Variants in RRN3 observed in about 807,000 individuals in gnomAD.
RRN3 encodes RNA polymerase I transcription factor RRN3, also known as RNA polymerase I-specific transcription initiation factor RRN3.
A neutral mutation model predicts 82.3 loss-of-function variants in RRN3; 38 were observed. That is an observed-to-expected ratio of 0.46 (90% confidence interval 0.36 to 0.61). The LOEUF (loss-of-function observed/expected upper bound fraction) is 0.61, where lower values mean the gene tolerates loss of function less well. Ranked by LOEUF, RRN3 falls within the 20% of genes least tolerant of loss-of-function variation. The pLI is 0.00. For missense variants in RRN3, 726 were observed against 793.1 expected (o/e 0.92, Z 1.02); for synonymous variants, 284 against 284.3 (o/e 1.00, Z 0.01).
intron 14 of RRN3, among the ~76,000 whole-genome samples, chr16:15,069,391 TCATAAA>T (rs1364831500): frequency 5.3e-5 from 8 of 152,226 alleles, no homozygotes; most frequent in Admixed American, 3.9e-4. Context: ...TAAGAATTAT[TCATAAA>T]CATAAACAGA....
intron 14 of RRN3, among the ~76,000 whole-genome samples, chr16:15,068,837 G>C (rs1453265391): frequency 6.6e-6 from 1 of 152,126 alleles, no homozygotes; most frequent in Admixed American, 6.6e-5. Context: ...TTCTACATGA[G>C]TAAAATAAAG....
chr16:15,074,561 G>T, intron 11 of RRN3, 162 bp downstream of exon 11: 1 of 454,572 alleles, frequency 2.2e-6, no homozygotes, highest in Non-Finnish European at 3.8e-6. Flanking sequence ...TTCAAGCTAT[G>T]TGACTGGCAA....
chr16:15,078,818 T>C (rs1383936703), intron 9 of RRN3, among the ~76,000 whole-genome samples: 4 of 149,844 alleles, frequency 2.7e-5, no homozygotes, highest in Non-Finnish European at 3.0e-5. Flanking sequence ...TTTTCTTTTT[T>C]TTTTTTTTTT....
chr16:15,071,596 T>G (rs1455966561), intron 12 of RRN3, among the ~76,000 whole-genome samples: 7 of 151,872 alleles, frequency 4.6e-5, no homozygotes, highest in Admixed American at 3.3e-4. Flanking sequence ...GGAGAAACCC[T>G]GTCTCTACTA....
At chr16:15,068,906 G>A (rs1443756845) in intron 14 of RRN3, among the ~76,000 whole-genome samples, 2 of 152,146 alleles carry the variant, frequency 1.3e-5, no homozygotes, top group Non-Finnish European at 2.9e-5. Context: ...TATTTTCTTA[G>A]GAGTTTCTTT....
chr16:15,092,623 C>G lies in RRN3; in HGVS notation c.90-9G>C. 3 of 1,490,516 alleles carry G rather than the reference C, an allele frequency of 2.0e-6. No homozygotes were observed. Among genetic ancestry groups the G allele is most frequent in the Non-Finnish European group, 2.8e-6 (3 of 1,069,050 alleles). The allele number at this position is 1,490,516 out of a possible 1,614,324, so 92.3% of individuals were successfully genotyped here. A position where few individuals can be genotyped will look rare whatever the true frequency, so the allele number is the denominator to read the frequency against. ...CACGCATATTTGAAATCCTGTGGAA[C>G]CAAGATTAACAAGCTATTAAGTTCA... is the stretch of plus-strand genomic sequence containing the variant. On this transcript the variant is annotated splice_polypyrimidine_tract_variant and intron_variant, in intron 1 of 17. Transcript: ENST00000198767.
At chr16:15,077,606 C>A (rs975933034) in intron 9 of RRN3, among the ~76,000 whole-genome samples, 1 of 152,152 alleles carries the variant, frequency 6.6e-6, no homozygotes, top group Admixed American at 6.5e-5. Context: ...CTTTGGGAGG[C>A]CGAGGTGGAC....
In RRN3 at chr16:15,063,408, T is replaced by A. The variant is rs554494026; in HGVS notation, c.1707-125A>T. 151 of 777,928 alleles carry A rather than the reference T, an allele frequency of 1.9e-4. No individual in the cohort carries two copies. The African/African-American group carries it at 2.3e-3, about 12-fold the overall frequency. 48.2% of individuals were successfully genotyped at this position (777,928 alleles called of 1,614,324 possible). On this transcript the variant is annotated intron_variant, in intron 16 of 17. Coordinates refer to ENST00000198767, the MANE Select transcript of RRN3 (RefSeq NM_018427.5). Reference sequence around the variant, plus strand: ...GAAGTGAAAACTACAGCTTAAATAATTACATTTAAAAAAAACCTGGCTGGG... The same window carrying A: ...GAAGTGAAAACTACAGCTTAAATAAATACATTTAAAAAAAACCTGGCTGGG...
chr16:15,076,848 C>G (rs575905146), intron 9 of RRN3, among the ~76,000 whole-genome samples, 198 bp from the exon 10 acceptor site: 1 of 152,136 alleles, frequency 6.6e-6, no homozygotes, highest in Non-Finnish European at 1.5e-5. Context: ...ATATAATAAA[C>G]CAAGCCCCTT....
At chr16:15,077,108 T>G (rs2045493142) in intron 9 of RRN3, among the ~76,000 whole-genome samples, 1 of 151,572 alleles carries the variant, frequency 6.6e-6, no homozygotes, top group African/African-American at 2.4e-5. Context: ...GCCTCCCGAG[T>G]AGCTGGGATT....
At chr16:15,070,940 A>T (rs183561682) in intron 13 of RRN3, among the ~76,000 whole-genome samples, 181 bp downstream of exon 13, 1 of 152,192 alleles carries the variant, frequency 6.6e-6, no homozygotes, top group African/African-American at 2.4e-5. Flanking sequence ...TTTATATATA[A>T]AAAAGGAGAC....
In RRN3 at chr16:15,061,268, C is replaced by T. The variant is rs1056097396; in HGVS notation, c.*476G>A. 1.3e-5 allele frequency: 2 copies of T among 153,648 alleles called. No homozygotes were observed. The highest frequency in any genetic ancestry group is 4.8e-5 in the African/African-American group (2 of 41,484). 9.5% of individuals were successfully genotyped at this position (153,648 alleles called of 1,614,324 possible). On this transcript the variant is annotated 3_prime_UTR_variant, in exon 18 of 18. Coordinates refer to ENST00000198767, the MANE Select transcript of RRN3 (RefSeq NM_018427.5). ...ATACAGCAGAAGGTGAACAATGTAG[C>T]CAAAATAAACACTTTCTAGTTAAAG...
intron 12 of RRN3, among the ~76,000 whole-genome samples, chr16:15,071,574 C>A (rs920276949): frequency 2.0e-5 from 3 of 152,150 alleles, no homozygotes; most frequent in Admixed American, 6.5e-5. Flanking sequence ...TCGAGACCAG[C>A]CTGGCCAACA....
rs1365872030 is a variant in RRN3, at chr16:15,091,340, T to C, written c.227A>G (p.Asn76Ser). 3 of 1,590,690 alleles carry C rather than the reference T, an allele frequency of 1.9e-6. No homozygotes were observed. The South Asian group carries it at 3.4e-5, about 18-fold the overall frequency. Residue 76 changes from asparagine (N) to serine (S), a missense_variant, in exon 3 of 18, where the codon AAC becomes AGC. Physicochemically the swap from Asn to Ser is conservative, Grantham distance 46 (BLOSUM62 1). Around this residue, in one of 4 missense-constraint regions of RRN3, gnomAD observed 344 missense variants for 394.5 expected, o/e 0.87. Coordinates refer to ENST00000198767, the MANE Select transcript of RRN3 (RefSeq NM_018427.5). ...CTTTATGTCTGGATCTAACAGCTGGTTCTTCAACAACTCAAAGTCATTTGT... is the reference window on the plus strand; with the variant it reads ...CTTTATGTCTGGATCTAACAGCTGGCTCTTCAACAACTCAAAGTCATTTGT... Reference protein sequence around the residue: ...GETNDFELLKNQLLDPDIKDD... With the variant: ...GETNDFELLKSQLLDPDIKDD...
chr16:15,068,772 C>T (rs984067174), intron 14 of RRN3, among the ~76,000 whole-genome samples: 5 of 152,116 alleles, frequency 3.3e-5, no homozygotes, highest in Non-Finnish European at 7.3e-5. Flanking sequence ...TCTACCTCAA[C>T]GGACGGCAAA....
At chr16:15,091,843 T>C (rs2046141133) in intron 2 of RRN3, among the ~76,000 whole-genome samples, 1 of 152,188 alleles carries the variant, frequency 6.6e-6, no homozygotes. Flanking sequence ...AGAGAACTGG[T>C]TTACTGTCCC....
chr16:15,061,601 G>A lies in RRN3; in HGVS notation c.*143C>T, dbSNP rs2044712099. On this transcript the variant is annotated 3_prime_UTR_variant, in exon 18 of 18. Transcript: ENST00000198767. ...ACCCAGTCTTCAGATGCTTGATTCA[G>A]TCGAACCTGGAAGTGCCACAGCCGA... is the stretch of plus-strand genomic sequence containing the variant. 3.1e-6 allele frequency: 2 copies of A among 646,860 alleles called. No homozygotes were observed. The highest frequency in any genetic ancestry group is 2.8e-5 in the East Asian group (1 of 36,146). 40.1% of individuals were successfully genotyped at this position (646,860 alleles called of 1,614,324 possible). A position where few individuals can be genotyped will look rare whatever the true frequency, so the allele number is the denominator to read the frequency against.
intron 3 of RRN3, among the ~76,000 whole-genome samples, chr16:15,090,083 G>A (rs1481874849): frequency 6.6e-6 from 1 of 151,906 alleles, no homozygotes; most frequent in East Asian, 1.9e-4. Flanking sequence ...GGTGGCGGGT[G>A]CCTGTAATCT....
Position 15,065,266 on chromosome 16 carries a change from T to C in RRN3, c.1659A>G (p.Thr553=). 1 of 1,613,866 alleles carries C rather than the reference T, an allele frequency of 6.2e-7. No individual in the cohort carries two copies. The highest frequency in any genetic ancestry group is 8.5e-7 in the Non-Finnish European group (1 of 1,179,820). ...TAGGDSVQIC[T]NPLDTFFPFD... Reference sequence around the variant, plus strand: ...AGGGGAAGAAGGTGTCCAGCGGGTTTGTGCAGATCTGCACTGAGTCTCCTC... The same window carrying C: ...AGGGGAAGAAGGTGTCCAGCGGGTTCGTGCAGATCTGCACTGAGTCTCCTC... The change falls in exon 16 of 18, where the codon ACA becomes ACG. Residue 553 remains threonine (T), a synonymous_variant. Coordinates refer to ENST00000198767, the MANE Select transcript of RRN3 (RefSeq NM_018427.5).
Sources: allele counts gnomAD v4.1 joint callset (sites outside exome capture counted in the v4.1 genomes callset), GRCh38; gene constraint gnomAD v4.1.1; regional missense constraint gnomAD v4.1.1; transcripts MANE v1.5; gene names NCBI Gene and HGNC (gene_info 2026-07-23, HGNC 2026-07-21).